The following OSBPL8 variants were observed in gnomAD, a reference collection of about 807,000 sequenced individuals.
OSBPL8 encodes the protein oxysterol-binding protein-related protein 8.
Under a neutral mutation model 125.5 loss-of-function variants are expected in OSBPL8, and 59 were observed. The observed-to-expected ratio is 0.47, with a 90% CI of 0.38 to 0.58. The LOEUF is 0.58. Ranked by LOEUF, OSBPL8 falls within the 20% of genes least tolerant of loss-of-function variation. The pLI, the probability that OSBPL8 is intolerant of heterozygous loss-of-function variation, is 0.00. For synonymous variants in OSBPL8, 330 were observed against 338.9 expected (o/e 0.97, Z 0.29); for missense variants, 758 against 1,047.8 (o/e 0.72, Z 3.82).
intron 1 of OSBPL8, among the ~76,000 whole-genome samples, chr12:76,502,142 G>A (rs557866452): frequency 3.3e-5 from 5 of 152,110 alleles, no homozygotes; most frequent in South Asian, 2.1e-4. Context: ...TACATGGATC[G>A]CCAGAAGGCT....
chr12:76,424,033 C>T (rs559395224), intron 4 of OSBPL8, among the ~76,000 whole-genome samples: 1 of 152,088 alleles, frequency 6.6e-6, no homozygotes, highest in Admixed American at 6.6e-5. Flanking sequence ...GATGGAGTCT[C>T]ACTGTCGCCC....
At chr12:76,521,658 A>G (rs1304017132) in intron 1 of OSBPL8, among the ~76,000 whole-genome samples, 1 of 152,204 alleles carries the variant, frequency 6.6e-6, no homozygotes, top group Non-Finnish European at 1.5e-5. Context: ...ATGAATAGAC[A>G]TTGAGGACAT....
At chr12:76,437,020 A>G (rs1483296246) in intron 4 of OSBPL8, among the ~76,000 whole-genome samples, 3 of 152,112 alleles carry the variant, frequency 2.0e-5, no homozygotes, top group Non-Finnish European at 2.9e-5. Flanking sequence ...TCATTTCATT[A>G]TTGTATGGTA....
At position 76,352,756 on chromosome 12, in the gene OSBPL8, C is replaced by T. The variant is rs1173189822; in HGVS notation, c.*3133G>A. On this transcript the variant is annotated 3_prime_UTR_variant, in exon 24 of 24. Coordinates refer to ENST00000261183, the MANE Select transcript of OSBPL8 (RefSeq NM_020841.5). ...ACACTGGAAAAAATGGAATTTTATA[C>T]ATTTGTTTTCTTAAATTTTGACAGA... 2 of 152,490 alleles carry T rather than the reference C, an allele frequency of 1.3e-5. No individual in the cohort carries two copies. The highest frequency in any genetic ancestry group is 2.9e-5 in the Non-Finnish European group (2 of 67,940). 9.4% of individuals were successfully genotyped at this position (152,490 alleles called of 1,614,324 possible).
chr12:76,416,466 G>A (rs1412687703), intron 4 of OSBPL8, among the ~76,000 whole-genome samples: 2 of 151,912 alleles, frequency 1.3e-5, no homozygotes, highest in African/African-American at 4.8e-5. Flanking sequence ...TGTATTTACT[G>A]ATTTTTGTCC....
intron 1 of OSBPL8, among the ~76,000 whole-genome samples, chr12:76,543,851 C>A (rs1272105768): frequency 1.3e-5 from 2 of 152,114 alleles, no homozygotes; most frequent in Admixed American, 6.5e-5. Context: ...CAGAATTAAA[C>A]CTAGCTAGGG....
intron 1 of OSBPL8, among the ~76,000 whole-genome samples, chr12:76,507,665 C>CA (rs1438764834): frequency 2.6e-5 from 4 of 150,994 alleles, no homozygotes; most frequent in East Asian, 1.9e-4. Flanking sequence ...TCCAAAAATA[C>CA]AAAAAAACTT....
intron 2 of OSBPL8, among the ~76,000 whole-genome samples, chr12:76,481,402 T>G (rs901299732): frequency 6.6e-6 from 1 of 152,208 alleles, no homozygotes. Flanking sequence ...TATTGGGAAG[T>G]TGTACATAAA....
At chr12:76,397,973 G>A (rs1420976806) in intron 7 of OSBPL8, 76 bp from the exon 8 acceptor site, 2 of 1,268,822 alleles carry the variant, frequency 1.6e-6, no homozygotes, top group Non-Finnish European at 2.2e-6. Context: ...CAAATAAGAT[G>A]TTTTAATCTA....
At chr12:76,511,411 T>C (rs1880976837) in intron 1 of OSBPL8, among the ~76,000 whole-genome samples, 1 of 152,220 alleles carries the variant, frequency 6.6e-6, no homozygotes, top group Admixed American at 6.5e-5. Flanking sequence ...TGTTATTTTT[T>C]GACTTTTTAA....
chr12:76,542,890 G>A (rs1950684887), intron 1 of OSBPL8, among the ~76,000 whole-genome samples: 1 of 152,126 alleles, frequency 6.6e-6, no homozygotes, highest in African/African-American at 2.4e-5. Context: ...CAGTCACAGT[G>A]AACTCTTTCA....
At chr12:76,554,270 C>T (rs1433571428) in intron 1 of OSBPL8, among the ~76,000 whole-genome samples, 2 of 152,092 alleles carry the variant, frequency 1.3e-5, no homozygotes, top group East Asian at 3.9e-4. Context: ...TATATTCCAT[C>T]TTCTTATAAA....
rs554960288 is a variant in OSBPL8, at chr12:76,357,868, T to G, written c.2434+838A>C. On this transcript the variant is annotated intron_variant, in intron 22 of 23. Transcript: ENST00000261183. ...TTATGGCTTAAAGTTTTTTTTTTTTTGTCATGTCACAAACATCACTTTAAT... is the reference window on the plus strand; with the variant it reads ...TTATGGCTTAAAGTTTTTTTTTTTTGGTCATGTCACAAACATCACTTTAAT... Among the ~76,000 whole-genome samples the G allele has an allele frequency of 2.6e-3, 402 of 152,218 alleles. 1 individual carries two copies. The highest frequency in any genetic ancestry group is 9.1e-3 in the African/African-American group (376 of 41,540).
rs1873502448 is a variant in OSBPL8 at position 76,452,176 on chromosome 12, GAATTTC to G, written c.80-1194_80-1189del. On this transcript the variant is annotated intron_variant, in intron 3 of 23. Transcript: ENST00000261183. ...TTTTATTTTTCAATACAGACATTCA[GAATTTC>G]ACATTCACCTTTTTATCATCATGTC... Among the ~76,000 whole-genome samples the G allele has an allele frequency of 2.6e-5, 4 of 152,064 alleles. No individual in the cohort carries two copies. The South Asian group carries it at 8.3e-4, about 32-fold the overall frequency.
chr12:76,392,473 T>C, intron 10 of OSBPL8, 108 bp downstream of exon 10: 1 of 977,084 alleles, frequency 1.0e-6, no homozygotes, highest in Non-Finnish European at 1.5e-6. Context: ...TGGGAAGATA[T>C]GCAAATTTCA....
chr12:76,397,173 T>TGG (rs1376919234), intron 8 of OSBPL8, among the ~76,000 whole-genome samples: 1 of 143,854 alleles, frequency 7.0e-6, no homozygotes, highest in South Asian at 2.3e-4. Context: ...GAAACCTGCC[T>TGG]CTTTCTCAAG....
At position 76,371,441 on chromosome 12, in the gene OSBPL8, T is replaced by C; in HGVS notation, c.2054+7A>G. The stretch of plus-strand genomic sequence containing the variant: ...TCATGAAGTTAGCTGTAAAACAGTA[T>C]ACTTACTTCTCTGATTCAAAATCTC... On this transcript the variant is annotated splice_region_variant and intron_variant, in intron 19 of 23. Coordinates refer to ENST00000261183, the MANE Select transcript of OSBPL8 (RefSeq NM_020841.5). 1 of 1,601,084 alleles carries C rather than the reference T, an allele frequency of 6.2e-7. No homozygotes were observed. Among genetic ancestry groups the C allele is most frequent in the African/African-American group, 1.3e-5 (1 of 74,494 alleles).
chr12:76,472,216 C>T (rs144867921), intron 2 of OSBPL8, among the ~76,000 whole-genome samples: 60 of 152,308 alleles, frequency 3.9e-4, no homozygotes, highest in African/African-American at 1.4e-3. Flanking sequence ...AGGATACCAC[C>T]ATCTTAACAT....
At chr12:76,481,151 A>G (rs755245390) in intron 2 of OSBPL8, among the ~76,000 whole-genome samples, 13 of 152,210 alleles carry the variant, frequency 8.5e-5, no homozygotes, top group Non-Finnish European at 1.6e-4. Flanking sequence ...AAGGAAAACA[A>G]CCCTGCTAAC....
Sources: allele counts gnomAD v4.1 joint callset (sites outside exome capture counted in the v4.1 genomes callset), GRCh38; gene constraint gnomAD v4.1.1; transcripts MANE v1.5; gene names NCBI Gene and HGNC (gene_info 2026-07-23, HGNC 2026-07-21).